ENTPD3: variants seen among roughly 807,000 people sequenced by gnomAD.
ENTPD3 encodes the protein CD39 antigen-like 3.
A neutral mutation model predicts 51.2 loss-of-function variants in ENTPD3; 60 were observed. The observed-to-expected ratio is 1.17, with a 90% CI of 0.95 to 1.45. ENTPD3 has a LOEUF of 1.45. Among genes scored for constraint, ENTPD3 ranks in the 40% most tolerant of loss-of-function variants. The pLI is 0.00. For synonymous variants in ENTPD3, 221 were observed against 238.4 expected, an observed-to-expected ratio of 0.93 and a Z score of 0.67; for missense variants, 593 against 641.1, an observed-to-expected ratio of 0.93 and a Z score of 0.81.
At chr3:40,403,252 G>A (rs562195703) in intron 4 of ENTPD3, among the ~76,000 whole-genome samples, 1 of 152,248 alleles carries the variant, frequency 6.6e-6, no homozygotes, top group South Asian at 2.1e-4. Context: ...TGATGCACAG[G>A]TGTTCCAGGT....
intron 2 of ENTPD3, among the ~76,000 whole-genome samples, chr3:40,388,585 G>GACACAC (rs55657804): frequency 0.24 from 30,064 of 125,956 alleles, 3,998 homozygotes; most frequent in Middle Eastern, 0.36. Flanking sequence ...CACACACACA[G>GACACAC]ACACACACAC....
At chr3:40,411,308 A>AAAAAAAAAAAAAGAAAAAAAAG (rs10671439) in intron 4 of ENTPD3, among the ~76,000 whole-genome samples, 1 of 148,674 alleles carries the variant, frequency 6.7e-6, no homozygotes, top group Admixed American at 6.7e-5. Flanking sequence ...AAAAAAAAGA[A>AAAAAAAAAAAAAGAAAAAAAAG]AAAAAGAAAA....
intron 2 of ENTPD3, among the ~76,000 whole-genome samples, chr3:40,388,737 T>G (rs1023398860): frequency 6.6e-6 from 1 of 152,216 alleles, no homozygotes; most frequent in Non-Finnish European, 1.5e-5. Flanking sequence ...TTACCATGTT[T>G]GTCCAGCCCT....
At chr3:40,396,040 C>T (rs1955189978) in intron 3 of ENTPD3, among the ~76,000 whole-genome samples, 1 of 152,130 alleles carries the variant, frequency 6.6e-6, no homozygotes, top group Non-Finnish European at 1.5e-5. Context: ...GGAGACACAC[C>T]CTCCACCAAT....
At chr3:40,424,388 T>C (rs990986617) in intron 10 of ENTPD3, among the ~76,000 whole-genome samples, 5 of 152,202 alleles carry the variant, frequency 3.3e-5, no homozygotes, top group African/African-American at 1.2e-4. Flanking sequence ...TAACTAATTC[T>C]TCTCCATTTT....
intron 3 of ENTPD3, among the ~76,000 whole-genome samples, chr3:40,395,438 C>T (rs1268018531): frequency 3.3e-5 from 5 of 152,182 alleles, no homozygotes; most frequent in Non-Finnish European, 7.3e-5. Context: ...CAAAGACATA[C>T]GTGCAAGTAG....
At chr3:40,399,919 C>CT (rs1205212033) in intron 3 of ENTPD3, among the ~76,000 whole-genome samples, 2 of 152,030 alleles carry the variant, frequency 1.3e-5, no homozygotes, top group Non-Finnish European at 2.9e-5. Context: ...TTTTATTTTG[C>CT]TTTTTTTCTC....
chr3:40,393,880 T>C (rs889498710), intron 3 of ENTPD3, among the ~76,000 whole-genome samples: 8 of 151,248 alleles, frequency 5.3e-5, no homozygotes, highest in Non-Finnish European at 1.2e-4. Context: ...CCATCTCTAC[T>C]AAAAATACAA....
At chr3:40,422,134 TCACACACACACACA>T (rs3064615) in intron 7 of ENTPD3, among the ~76,000 whole-genome samples, 1 of 148,760 alleles carries the variant, frequency 6.7e-6, no homozygotes, top group African/African-American at 2.5e-5. Context: ...GAGGTAATTG[TCACACACACACACA>T]CACACACACA....
chr3:40,427,223 C>T, intron 10 of ENTPD3, 49 bp from the exon 11 acceptor site: 1 of 1,446,112 alleles, frequency 6.9e-7, no homozygotes, highest in Non-Finnish European at 9.7e-7. Context: ...TATGTGATTG[C>T]AGCCTTGAGC....
At chr3:40,395,994 A>G (rs1039096993) in intron 3 of ENTPD3, among the ~76,000 whole-genome samples, 11 of 152,222 alleles carry the variant, frequency 7.2e-5, no homozygotes, top group Non-Finnish European at 1.6e-4. Context: ...AAGAGAACAG[A>G]CAACAGTGGC....
At chr3:40,404,280 G>C (rs1175545666) in intron 4 of ENTPD3, among the ~76,000 whole-genome samples, 1 of 152,322 alleles carries the variant, frequency 6.6e-6, no homozygotes, top group African/African-American at 2.4e-5. Flanking sequence ...GTGATTTGAA[G>C]ACTAAATGAC....
intron 10 of ENTPD3, among the ~76,000 whole-genome samples, chr3:40,425,729 TCTA>T (rs1473799140): frequency 4.6e-5 from 7 of 151,868 alleles, no homozygotes; most frequent in African/African-American, 1.7e-4. Context: ...AAACCATGTC[TCTA>T]CTAAACATAC....
At chr3:40,393,297 G>A (rs970346876) in intron 3 of ENTPD3, among the ~76,000 whole-genome samples, 1 of 152,054 alleles carries the variant, frequency 6.6e-6, no homozygotes, top group African/African-American at 2.4e-5. Context: ...ACTCTTCTTT[G>A]TTTTTTGACT....
In ENTPD3 at chr3:40,388,085, T is replaced by G; in HGVS notation, c.28T>G (p.Cys10Gly). ...GTTCACTGTGCTGACCCGCCAACCA[T>G]GTGAGCAAGCAGGTTAGTATCTCTC... is the stretch of plus-strand genomic sequence containing the variant. Reference protein sequence around the residue: MFTVLTRQPCEQAGLKALYR... With the variant: MFTVLTRQPGEQAGLKALYR... Residue 10 changes from cysteine (C) to glycine (G), a missense_variant, in exon 2 of 11, where the codon TGT becomes GGT. Physicochemically the swap from Cys to Gly is radical, Grantham distance 159. Transcript: ENST00000301825. 6.2e-7 allele frequency: 1 copy of G among 1,614,138 alleles called. No individual in the cohort carries two copies. The highest frequency in any genetic ancestry group is 8.5e-7 in the Non-Finnish European group (1 of 1,180,012).
intron 3 of ENTPD3, chr3:40,392,476 T>C: frequency 4.3e-6 from 1 of 232,154 alleles, no homozygotes; most frequent in Non-Finnish European, 8.3e-6. Flanking sequence ...GTGCGGTGGC[T>C]CACGCCTGTA....
In ENTPD3 at chr3:40,427,535, A is replaced by G. The variant is rs369785088; in HGVS notation, c.*27A>G. The stretch of plus-strand genomic sequence containing the variant: ...CCTTCAAAGCAGCTCCTGGAGTCCA[A>G]TGGCTGCTTAGAGTCAGCCTGGGTG... On this transcript the variant is annotated 3_prime_UTR_variant, in exon 11 of 11. Transcript: ENST00000301825. 1.5e-5 allele frequency: 23 copies of G among 1,565,908 alleles called. No individual in the cohort carries two copies. The highest frequency in any genetic ancestry group is 2.2e-5 in the South Asian group (2 of 90,044).
At chr3:40,395,037 G>C (rs1346740793) in intron 3 of ENTPD3, among the ~76,000 whole-genome samples, 1 of 152,190 alleles carries the variant, frequency 6.6e-6, no homozygotes, top group Non-Finnish European at 1.5e-5. Flanking sequence ...AATGGTCTGA[G>C]GGGTGGCCAA....
At chr3:40,400,453 G>T (rs1257027303) in intron 3 of ENTPD3, among the ~76,000 whole-genome samples, 1 of 152,084 alleles carries the variant, frequency 6.6e-6, no homozygotes, top group African/African-American at 2.4e-5. Context: ...CCTCTCCCCA[G>T]AGGTCTGAAT....
Sources: gnomAD v4.1 joint callset for allele counts (sites outside exome capture counted in the v4.1 genomes callset) on GRCh38, gnomAD v4.1.1 for gene constraint, MANE v1.5 for transcripts, NCBI Gene and HGNC (gene_info 2026-07-23, HGNC 2026-07-21) for gene names.